Variants in NEB observed in about 807,000 individuals in gnomAD.
NEB encodes nemaline myopathy type 2.
In NEB, 512 loss-of-function variants were observed where a neutral mutation model predicts 952.2. The ratio of observed to expected loss-of-function variants is 0.54; its 90% CI spans 0.50 to 0.58. The LOEUF is 0.58. Among genes scored for constraint, NEB ranks in the 20% least tolerant of loss-of-function variants. The pLI is 0.00. For missense variants in NEB, 8,428 were observed against 9,231.1 expected, an observed-to-expected ratio of 0.91 and a Z score of 3.56; for synonymous variants, 2,900 against 3,149.8, an observed-to-expected ratio of 0.92 and a Z score of 2.66.
intron 173 of NEB, 83 bp downstream of exon 173, chr2:151,496,193 A>T (rs1471376972): frequency 7.3e-7 from 1 of 1,366,886 alleles, no homozygotes; most frequent in Non-Finnish European, 1.0e-6. Flanking sequence ...GTCTTTAAAA[A>T]GTAGGATTAA....
chr2:151,498,454 T>C (rs2061847104), intron 169 of NEB, 102 bp from the exon 170 acceptor site: 3 of 762,528 alleles, frequency 3.9e-6, no homozygotes, highest in Non-Finnish European at 6.3e-6. Flanking sequence ...GAGAGTAAGT[T>C]AGAGGAAGAG....
At position 151,663,735 on chromosome 2, in the gene NEB, T is replaced by C. The variant is rs1008227732; in HGVS notation, c.5576A>G (p.Lys1859Arg). ...VAKMQSDREY[K>R]KGYEKSKTSF... ...GGTCTTGGATTTCTCATATCCCTTC[T>C]TGTATTCCCGGTCTGACTGCATCTT... Residue 1859 changes from lysine to arginine, a missense_variant, in exon 45 of 182, where the codon AAG (lysine) becomes AGG (arginine). By Grantham distance (26) the Lys-to-Arg change is conservative. Transcript: ENST00000397345. 6.2e-6 allele frequency: 10 copies of C among 1,613,716 alleles called. No individual in the cohort carries two copies. Among genetic ancestry groups the C allele is most frequent in the Non-Finnish European group, 7.6e-6 (9 of 1,179,810 alleles).
At chr2:151,629,433 A>G (rs2098609355) in intron 68 of NEB, 106 bp downstream of exon 68, 1 of 944,914 alleles carries the variant, frequency 1.1e-6, no homozygotes, top group Non-Finnish European at 1.6e-6. Flanking sequence ...ATTTAGAAAA[A>G]CAAGCCAATA....
chr2:151,512,497 A>T (rs868391901), intron 161 of NEB, among the ~76,000 whole-genome samples: 1 of 151,848 alleles, frequency 6.6e-6, no homozygotes, highest in Non-Finnish European at 1.5e-5. Flanking sequence ...CAATTTTTGT[A>T]GGGACAGGGT....
At chr2:151,530,930 T>C in intron 145 of NEB, 64 bp downstream of exon 145, 1 of 1,051,180 alleles carries the variant, frequency 9.5e-7, no homozygotes, top group East Asian at 2.5e-5. Flanking sequence ...TGGACCAGGG[T>C]TTGTTACATC....
Position 151,633,818 on chromosome 2 carries a change from T to A in NEB, c.9250A>T (p.Thr3084Ser). The A allele has an allele frequency of 6.2e-7, 1 of 1,613,980 alleles. No homozygotes were observed. Among genetic ancestry groups the A allele is most frequent in the Non-Finnish European group, 8.5e-7 (1 of 1,179,874 alleles). The change falls in exon 65 of 182, where the codon ACC becomes TCC. Residue 3084 changes from threonine (T) to serine (S), a missense_variant. Physicochemically the swap from Thr to Ser is moderately conservative, Grantham distance 58. Transcript: ENST00000397345. ...EYKKDFEKWK[T>S]KFSSPVDMLG... ...ATGTCCACTGGGCTGCTGAACTTGG[T>A]CTTCCACTTCTCAAAGTCCTTTTTG...
In NEB at chr2:151,697,348, A is replaced by G. The variant is rs770797137; in HGVS notation, c.1365+2T>C. 26 of 1,613,382 alleles carry G rather than the reference A, an allele frequency of 1.6e-5. No individual in the cohort carries two copies. Among genetic ancestry groups the G allele is most frequent in the Non-Finnish European group, 2.0e-5 (23 of 1,179,424 alleles). Reference sequence around the variant, plus strand: ...AAGTCAAACAATTGTCTTAGAACTTACATCACTGTTTTGAGCTGTGACTTT... The same window carrying G: ...AAGTCAAACAATTGTCTTAGAACTTGCATCACTGTTTTGAGCTGTGACTTT... On this transcript the variant is annotated splice_donor_variant, in intron 15 of 181. Coordinates refer to ENST00000397345, the MANE Select transcript of NEB (RefSeq NM_001164508.2). LOFTEE classifies it high-confidence loss of function.
chr2:151,715,227 A>T (rs1271568390), intron 10 of NEB, among the ~76,000 whole-genome samples: 1 of 152,250 alleles, frequency 6.6e-6, no homozygotes, highest in Non-Finnish European at 1.5e-5. Context: ...GTAGAAGGAA[A>T]CATGTGGGAA....
intron 107 of NEB, among the ~76,000 whole-genome samples, chr2:151,572,033 C>T (rs1024816143): frequency 1.3e-5 from 2 of 152,160 alleles, no homozygotes; most frequent in African/African-American, 2.4e-5. Flanking sequence ...TTAAAATGTA[C>T]AAGAAGGGCT....
chr2:151,562,209 C>T lies in NEB; in HGVS notation c.18897G>A (p.Val6299=), dbSNP rs568599013. ...TCAACCAATTCAGGTCATCTTTATA[C>T]ACATTCTGCAAGAAAGAGAGAACAA... The part of the protein sequence containing the change: ...RNAQEILSDN[V]YKDDLNWLKG... Residue 6299 remains valine (V), a synonymous_variant, in exon 121 of 182, where the codon GTG becomes GTA. Transcript: ENST00000397345. 18 of 1,607,118 alleles carry T rather than the reference C, an allele frequency of 1.1e-5. No individual in the cohort carries two copies. Among genetic ancestry groups the T allele is most frequent in the Non-Finnish European group, 1.4e-5 (17 of 1,173,814 alleles).
chr2:151,567,596 C>T (rs375502035), intron 113 of NEB, 117 bp from the exon 114 acceptor site: 4 of 794,030 alleles, frequency 5.0e-6, no homozygotes, highest in African/African-American at 1.7e-5. Context: ...TTGTTTGACA[C>T]CCCCAACTCT....
chr2:151,663,832 C>T lies in NEB; in HGVS notation c.5479G>A (p.Ala1827Thr), dbSNP rs1428368992. The change falls in exon 45 of 182, where the codon GCC becomes ACC. Residue 1827 changes from alanine (A) to threonine (T), a missense_variant. Coordinates refer to ENST00000397345, the MANE Select transcript of NEB (RefSeq NM_001164508.2). Reference protein sequence around the residue: ...DYKYKKAYEQAKGKHIGFRSL... With the variant: ...DYKYKKAYEQTKGKHIGFRSL... ...CGGAAGCCAATGTGTTTCCCTTTGG[C>T]TTGTTCATAGGCTTTCTTGTATTTG... is the stretch of plus-strand genomic sequence containing the variant. 1.9e-6 allele frequency: 3 copies of T among 1,613,632 alleles called. No individual in the cohort carries two copies. Among genetic ancestry groups the T allele is most frequent in the Non-Finnish European group, 1.7e-6 (2 of 1,179,732 alleles).
chr2:151,539,515 G>GA (rs1226164489), intron 138 of NEB, among the ~76,000 whole-genome samples: 1 of 152,186 alleles, frequency 6.6e-6, no homozygotes, highest in East Asian at 1.9e-4. Context: ...TTGCTAAGTT[G>GA]AGGGGGTCAT....
chr2:151,542,796 A>G (rs903743570), intron 135 of NEB, among the ~76,000 whole-genome samples: 9 of 152,332 alleles, frequency 5.9e-5, no homozygotes, highest in African/African-American at 1.9e-4. Context: ...GCTCAAATCT[A>G]TTCTTCATAG....
chr2:151,556,089 G>C (rs1178511406), intron 124 of NEB, among the ~76,000 whole-genome samples: 2 of 152,078 alleles, frequency 1.3e-5, no homozygotes, highest in Non-Finnish European at 2.9e-5. Context: ...TGAAAAGTTT[G>C]CTCCTTTTTG....
chr2:151,652,901 G>A (rs1197678153), intron 52 of NEB, among the ~76,000 whole-genome samples: 4 of 152,104 alleles, frequency 2.6e-5, no homozygotes, highest in Non-Finnish European at 5.9e-5. Flanking sequence ...GCACTAAATG[G>A]AAATGAGTTT....
intron 81 of NEB, 52 bp downstream of exon 81, chr2:151,609,757 G>C: frequency 2.6e-6 from 4 of 1,517,496 alleles, no homozygotes; most frequent in Non-Finnish European, 2.7e-6. Context: ...ACTGGGCAAT[G>C]AACAAATCTA....
chr2:151,539,894 G>C (rs2093793430), intron 138 of NEB, among the ~76,000 whole-genome samples: 1 of 152,214 alleles, frequency 6.6e-6, no homozygotes, highest in African/African-American at 2.4e-5. Flanking sequence ...ACATTATCTT[G>C]TTTGGTTTTA....
rs149752325 is a variant in NEB, at chr2:151,560,621, C to T, written c.19285G>A (p.Ala6429Thr). Residue 6429 changes from alanine (A) to threonine (T), a missense_variant, in exon 124 of 182, where the codon GCC (alanine) becomes ACC (threonine). Ala to Thr is a moderately conservative substitution (Grantham distance 58). Around this residue, in one of 11 missense-constraint regions of NEB, gnomAD observed 3,374 missense variants for 3,651.5 expected, o/e 0.92. Coordinates refer to ENST00000397345, the MANE Select transcript of NEB (RefSeq NM_001164508.2). ...CTGGCCAGATGCTTCTGGTTCTTGGCGTGTGTCAGGGACAAGGTGCTGGAA... is the reference window on the plus strand; with the variant it reads ...CTGGCCAGATGCTTCTGGTTCTTGGTGTGTGTCAGGGACAAGGTGCTGGAA... The part of the protein sequence containing the change: ...LPSSTLSLTH[A>T]KNQKHLASHI... 2,907 of 1,612,088 alleles carry T rather than the reference C, an allele frequency of 1.8e-3. 43 individuals carry two copies. The East Asian group carries it at 0.033, about 18-fold the overall frequency.
Sources: allele counts gnomAD v4.1 joint callset (sites outside exome capture counted in the v4.1 genomes callset), GRCh38; gene constraint gnomAD v4.1.1; regional missense constraint gnomAD v4.1.1; transcripts MANE v1.5; gene names NCBI Gene and HGNC (gene_info 2026-07-23, HGNC 2026-07-21).